The following PCSK2 variants were observed in gnomAD, a reference collection of about 807,000 sequenced individuals.
PCSK2 encodes the protein neuroendocrine convertase 2.
PCSK2 carries 14 observed loss-of-function variants against 69.7 expected under a neutral mutation model. The observed-to-expected ratio is 0.20, with a 90% CI of 0.13 to 0.31. The LOEUF is 0.31. Among genes scored for constraint, PCSK2 ranks in the 10% least tolerant of loss-of-function variants. The pLI, the probability that PCSK2 is intolerant of heterozygous loss-of-function variation, is 1.00. For missense variants in PCSK2, 544 were observed against 842.5 expected, an observed-to-expected ratio of 0.65 and a Z score of 4.39; for synonymous variants, 307 against 320.7, an observed-to-expected ratio of 0.96 and a Z score of 0.46.
chr20:17,247,041 G>A (rs183821927), intron 1 of PCSK2, among the ~76,000 whole-genome samples: 16 of 152,246 alleles, frequency 1.1e-4, no homozygotes, highest in Non-Finnish European at 2.1e-4. Context: ...TCATCTCTGG[G>A]CAGATATCAG....
At chr20:17,349,024 G>T (rs2029894447) in intron 2 of PCSK2, among the ~76,000 whole-genome samples, 1 of 152,134 alleles carries the variant, frequency 6.6e-6, no homozygotes, top group African/African-American at 2.4e-5. Context: ...CCTCTCATGT[G>T]GTTGTCGGGG....
At chr20:17,382,307 C>T (rs1414408919) in intron 5 of PCSK2, among the ~76,000 whole-genome samples, 2 of 152,154 alleles carry the variant, frequency 1.3e-5, no homozygotes, top group African/African-American at 2.4e-5. Context: ...ATTTAATGAG[C>T]GTGTTAAGCC....
At chr20:17,381,371 G>A (rs1423242058) in intron 5 of PCSK2, among the ~76,000 whole-genome samples, 2 of 152,212 alleles carry the variant, frequency 1.3e-5, no homozygotes, top group African/African-American at 2.4e-5. Context: ...AGAATAAGAT[G>A]TATTACAGTG....
chr20:17,448,342 A>G (rs2123371293), intron 8 of PCSK2, among the ~76,000 whole-genome samples: 1 of 152,318 alleles, frequency 6.6e-6, no homozygotes, highest in South Asian at 2.1e-4. Context: ...AATGTAGGCA[A>G]TGCGCTGGGG....
chr20:17,235,488 G>A (rs1568564377), intron 1 of PCSK2, among the ~76,000 whole-genome samples: 1 of 152,114 alleles, frequency 6.6e-6, no homozygotes, highest in Non-Finnish European at 1.5e-5. Context: ...CCAAAGAAAA[G>A]TGAACAATAT....
rs900530438 is a variant in PCSK2 at position 17,403,834 on chromosome 20, T to C, written c.544-5429T>C. 1.1e-4 allele frequency among the ~76,000 whole-genome samples: 16 copies of C among 152,220 alleles called. No individual in the cohort carries two copies. The East Asian group carries it at 1.9e-3, about 18-fold the overall frequency. ...CTCACAAGAAACATCTTGTCTTCTG[T>C]GGCACAATTTCCTTGAGGTCGGGTT... On this transcript the variant is annotated intron_variant, in intron 5 of 11. Transcript: ENST00000262545.
intron 2 of PCSK2, among the ~76,000 whole-genome samples, chr20:17,310,197 A>G (rs1296181581): frequency 6.6e-6 from 1 of 152,160 alleles, no homozygotes; most frequent in Non-Finnish European, 1.5e-5. Context: ...TACACGAGTC[A>G]TTCCAACCAC....
chr20:17,467,009 A>G (rs1056630256), intron 11 of PCSK2, among the ~76,000 whole-genome samples: 4 of 152,176 alleles, frequency 2.6e-5, no homozygotes, highest in African/African-American at 9.7e-5. Flanking sequence ...GGCTTACATC[A>G]TTTAAATGGT....
intron 2 of PCSK2, among the ~76,000 whole-genome samples, chr20:17,261,444 C>G (rs1399705607): frequency 6.6e-6 from 1 of 152,174 alleles, no homozygotes; most frequent in African/African-American, 2.4e-5. Flanking sequence ...TGCCAAATGA[C>G]AGGCCACAGG....
intron 1 of PCSK2, among the ~76,000 whole-genome samples, chr20:17,245,164 G>A (rs769084558): frequency 6.6e-6 from 1 of 152,176 alleles, no homozygotes; most frequent in South Asian, 2.1e-4. Flanking sequence ...TCTGCAAAGT[G>A]AGACATAGTG....
At chr20:17,339,623 G>A (rs1406329930) in intron 2 of PCSK2, among the ~76,000 whole-genome samples, 1 of 152,164 alleles carries the variant, frequency 6.6e-6, no homozygotes, top group Non-Finnish European at 1.5e-5. Flanking sequence ...TGCCTAGAGT[G>A]AAGTGAGCCT....
At chr20:17,377,437 A>C (rs1226039674) in intron 5 of PCSK2, among the ~76,000 whole-genome samples, 1 of 152,228 alleles carries the variant, frequency 6.6e-6, no homozygotes. Context: ...AAGTGTGCAC[A>C]TTGGGCCCCA....
chr20:17,468,775 C>T (rs1472615723), intron 11 of PCSK2, among the ~76,000 whole-genome samples: 1 of 151,930 alleles, frequency 6.6e-6, no homozygotes, highest in Non-Finnish European at 1.5e-5. Context: ...TCCCACAGAC[C>T]AGCATCCTGC....
At chr20:17,456,286 A>T in intron 9 of PCSK2, 62 bp from the exon 10 acceptor site, 1 of 840,792 alleles carries the variant, frequency 1.2e-6, no homozygotes, top group Non-Finnish European at 2.0e-6. Flanking sequence ...CCTGCTCCAC[A>T]TTGTGCGGGG....
At chr20:17,364,499 A>G (rs1395282903) in intron 4 of PCSK2, among the ~76,000 whole-genome samples, 2 of 152,176 alleles carry the variant, frequency 1.3e-5, no homozygotes, top group South Asian at 2.1e-4. Context: ...CGTGTCTTAC[A>G]TGGCAGCAGG....
intron 6 of PCSK2, among the ~76,000 whole-genome samples, chr20:17,417,662 G>T (rs1341007563): frequency 6.6e-6 from 1 of 152,182 alleles, no homozygotes; most frequent in Non-Finnish European, 1.5e-5. Context: ...CCCTGAAGAT[G>T]ATTCCTGCTT....
intron 2 of PCSK2, among the ~76,000 whole-genome samples, chr20:17,299,874 TC>T (rs1218473020): frequency 6.6e-6 from 1 of 152,216 alleles, no homozygotes; most frequent in East Asian, 1.9e-4. Flanking sequence ...AGAAAAACAC[TC>T]TTTCCCCTAT....
intron 5 of PCSK2, among the ~76,000 whole-genome samples, chr20:17,390,245 G>A (rs146162354): frequency 2.6e-5 from 4 of 152,328 alleles, no homozygotes; most frequent in Non-Finnish European, 5.9e-5. Flanking sequence ...GTTGCCTAAG[G>A]TAGGTGAAGA....
At chr20:17,334,301 A>T (rs941590518) in intron 2 of PCSK2, among the ~76,000 whole-genome samples, 4 of 152,188 alleles carry the variant, frequency 2.6e-5, no homozygotes, top group Non-Finnish European at 5.9e-5. Flanking sequence ...ACCGGGTACC[A>T]CAGGCACACT....
Sources: allele counts gnomAD v4.1 joint callset (sites outside exome capture counted in the v4.1 genomes callset), GRCh38; gene constraint gnomAD v4.1.1; transcripts MANE v1.5; gene names NCBI Gene and HGNC (gene_info 2026-07-23, HGNC 2026-07-21).